Variants in ANO10 observed in about 807,000 individuals in gnomAD.
ANO10 encodes the protein anoctamin-10.
Under a neutral mutation model 74.7 loss-of-function variants are expected in ANO10, and 77 were observed. That is an observed-to-expected ratio of 1.03 (90% CI 0.86 to 1.25). ANO10 has a LOEUF of 1.25. Among genes scored for constraint, ANO10 ranks in the 50% most tolerant of loss-of-function variants. The pLI is 0.00. For missense variants in ANO10, 721 were observed against 778.1 expected, an observed-to-expected ratio of 0.93 and a Z score of 0.87; for synonymous variants, 279 against 284.9, an observed-to-expected ratio of 0.98 and a Z score of 0.21.
At chr3:43,448,873 C>CTTTTTTTTT (rs35711363) in intron 11 of ANO10, among the ~76,000 whole-genome samples, 2 of 134,280 alleles carry the variant, frequency 1.5e-5, no homozygotes, top group Admixed American at 7.6e-5. Context: ...TTCTTTCTTT[C>CTTTTTTTTT]TTTTTTTTTT....
At chr3:43,376,614 T>C (rs184762398) in intron 12 of ANO10, among the ~76,000 whole-genome samples, 57 of 152,250 alleles carry the variant, frequency 3.7e-4, no homozygotes, top group Admixed American at 7.8e-4. Flanking sequence ...GGAATGATGT[T>C]CCCAGATGGG....
At position 43,640,196 on chromosome 3, in the gene ANO10, GT is replaced by G. The variant is rs1301847120; in HGVS notation, c.-11-34334del. 9.2e-5 allele frequency among the ~76,000 whole-genome samples: 14 copies of G among 152,274 alleles called. No individual in the cohort carries two copies. In the East Asian group the frequency reaches 2.7e-3, roughly 29 times the overall value. ...AATTTCACAAGACCTCTCATTGCTGGTTGTGTGCTTTGAGGGAACAGGGAAG... is the reference window on the plus strand; with the variant it reads ...AATTTCACAAGACCTCTCATTGCTGGTGTGTGCTTTGAGGGAACAGGGAAG... On this transcript the variant is annotated intron_variant, in intron 1 of 3. Transcript: ENST00000413397.
intron 4 of ANO10, among the ~76,000 whole-genome samples, chr3:43,592,910 C>T (rs886588931): frequency 2.0e-5 from 3 of 152,236 alleles, no homozygotes; most frequent in African/African-American, 7.2e-5. Flanking sequence ...AAGAGAAGAC[C>T]TTAAATGACC....
intron 11 of ANO10, among the ~76,000 whole-genome samples, chr3:43,453,615 C>A (rs1426021979): frequency 6.6e-6 from 1 of 152,156 alleles, no homozygotes; most frequent in East Asian, 1.9e-4. Context: ...GGTCTTTGAT[C>A]TATTTTGAGT....
At chr3:43,604,868 C>T (rs2149492878) in intron 2 of ANO10, among the ~76,000 whole-genome samples, 1 of 152,234 alleles carries the variant, frequency 6.6e-6, no homozygotes, top group South Asian at 2.1e-4. Flanking sequence ...AATACTCCTG[C>T]TTTTAAGTTT....
intron 11 of ANO10, among the ~76,000 whole-genome samples, chr3:43,521,851 C>T (rs191769801): frequency 5.2e-4 from 79 of 152,178 alleles, no homozygotes; most frequent in Admixed American, 2.1e-3. Context: ...ATATTCACTG[C>T]AGTATTATTT....
At chr3:43,462,110 C>T (rs917495185) in intron 11 of ANO10, among the ~76,000 whole-genome samples, 17 of 152,124 alleles carry the variant, frequency 1.1e-4, no homozygotes, top group African/African-American at 4.1e-4. Flanking sequence ...TTGCCCCTGC[C>T]CTAGAAATTC....
chr3:43,567,084 C>T (rs1288547826), intron 7 of ANO10, among the ~76,000 whole-genome samples: 4 of 151,808 alleles, frequency 2.6e-5, no homozygotes, highest in African/African-American at 4.8e-5. Flanking sequence ...AGGGTATCGG[C>T]AATGGAAGAT....
In ANO10 at chr3:43,676,995, T is replaced by C. The variant is rs925460647; in HGVS notation, c.-12+14522A>G. On this transcript the variant is annotated intron_variant, in intron 1 of 3. Transcript: ENST00000413397. ...AACAGCTAATATTCAATTTCTGTCA[T>C]TGAAACTATGATTTACGTTCTATCA... 2.6e-5 allele frequency among the ~76,000 whole-genome samples: 4 copies of C among 152,326 alleles called. No homozygotes were observed. In the East Asian group the frequency reaches 7.7e-4, roughly 29 times the overall value.
chr3:43,530,537 C>G (rs1400752140), intron 11 of ANO10, among the ~76,000 whole-genome samples: 1 of 151,686 alleles, frequency 6.6e-6, no homozygotes, highest in Non-Finnish European at 1.5e-5. Context: ...CGCAGTTTCA[C>G]TTTCCACAGT....
chr3:43,511,699 CTG>C (rs1371893818), intron 11 of ANO10, among the ~76,000 whole-genome samples: 1 of 152,158 alleles, frequency 6.6e-6, no homozygotes, highest in Non-Finnish European at 1.5e-5. Context: ...AGAGTCATGT[CTG>C]TAGTCTGGCA....
chr3:43,625,268 C>T (rs558462262), upstream of ANO10, among the ~76,000 whole-genome samples: 17 of 152,326 alleles, frequency 1.1e-4, no homozygotes, highest in Admixed American at 7.8e-4. Context: ...CGGCTTCTCT[C>T]GGACATTTTG....
chr3:43,372,731 G>T, intron 12 of ANO10: 1 of 900,698 alleles, frequency 1.1e-6, no homozygotes, highest in Non-Finnish European at 1.7e-6. Context: ...ATCCTACCTG[G>T]TATGTGGTCT....
chr3:43,576,563 C>T, intron 6 of ANO10, 129 bp downstream of exon 6: 2 of 923,356 alleles, frequency 2.2e-6, no homozygotes, highest in Non-Finnish European at 3.3e-6. Context: ...TAAATTTTTC[C>T]TTATGTCTCT....
chr3:43,483,421 C>G (rs909330559), intron 11 of ANO10, among the ~76,000 whole-genome samples: 5 of 152,102 alleles, frequency 3.3e-5, no homozygotes, highest in Non-Finnish European at 7.4e-5. Context: ...GAAATAGACT[C>G]AAAAGTAACA....
intron 1 of ANO10, among the ~76,000 whole-genome samples, chr3:43,619,226 C>A (rs2083268518): frequency 6.6e-6 from 1 of 152,210 alleles, no homozygotes; most frequent in Non-Finnish European, 1.5e-5. Flanking sequence ...AGCAGGCCTG[C>A]TTCACTTTAC....
At chr3:43,604,681 A>G (rs1464644857) in intron 2 of ANO10, among the ~76,000 whole-genome samples, 2 of 152,160 alleles carry the variant, frequency 1.3e-5, no homozygotes, top group South Asian at 2.1e-4. Flanking sequence ...TGATCGCCCA[A>G]AAAGTGTGGA....
In ANO10 at chr3:43,544,797, A is replaced by T. The variant is rs997300350; in HGVS notation, c.1797+4923T>A. On this transcript the variant is annotated intron_variant, in intron 11 of 12. Transcript: ENST00000292246. ...GACAGAGCAAGACTCTGTCTGAAAT[A>T]AAAAAAAAAAAAAAAAAAAAGAATC... Among the ~76,000 whole-genome samples, 15 of 10,572 alleles carry T rather than the reference A, an allele frequency of 1.4e-3. No homozygotes were observed. The South Asian group carries it at 0.045, about 32-fold the overall frequency. 6.9% of individuals were successfully genotyped at this position (10,572 alleles called of 152,430 possible).
chr3:43,639,368 C>T lies in ANO10; in HGVS notation c.-11-33505G>A, dbSNP rs1010748296. ...AGATCTAGAGGGCTCCCGTCCACACCCTTGCTAGGTGTTTACAGTGCATTT... is the reference window on the plus strand; with the variant it reads ...AGATCTAGAGGGCTCCCGTCCACACTCTTGCTAGGTGTTTACAGTGCATTT... On this transcript the variant is annotated intron_variant, in intron 1 of 3. Transcript: ENST00000413397. 1.3e-4 allele frequency among the ~76,000 whole-genome samples: 20 copies of T among 152,284 alleles called. No homozygotes were observed. In the East Asian group the frequency reaches 1.9e-3, roughly 15 times the overall value.
Sources: gnomAD v4.1 joint callset for allele counts (sites outside exome capture counted in the v4.1 genomes callset) on GRCh38, gnomAD v4.1.1 for gene constraint, MANE v1.5 for transcripts, NCBI Gene and HGNC (gene_info 2026-07-23, HGNC 2026-07-21) for gene names.